Variants in DDC observed in about 807,000 individuals in gnomAD.
DDC encodes dopa decarboxylase, also known as aromatic-L-amino-acid decarboxylase.
A neutral mutation model predicts 60.0 loss-of-function variants in DDC; 43 were observed. The ratio of observed to expected loss-of-function variants is 0.72; its 90% CI spans 0.56 to 0.92. The LOEUF (loss-of-function observed/expected upper bound fraction) is 0.92. Ranked by LOEUF, DDC falls within the 40% of genes least tolerant of loss-of-function variation. The probability of loss-of-function intolerance (pLI) is 0.00; values close to 1 mark genes in which losing one functional copy is unlikely to be tolerated. For missense variants in DDC, 573 were observed against 620.2 expected, an observed-to-expected ratio of 0.92 and a Z score of 0.81; for synonymous variants, 232 against 234.6, an observed-to-expected ratio of 0.99 and a Z score of 0.10.
rs777469245 is a variant in DDC at position 50,543,900 on chromosome 7, C to G, written c.186G>C (p.Lys62Asn). 6.2e-7 allele frequency: 1 copy of G among 1,614,160 alleles called. No homozygotes were observed. The highest frequency in any genetic ancestry group is 8.5e-7 in the Non-Finnish European group (1 of 1,180,038). The change falls in exon 2 of 15, where the codon AAG (lysine) becomes AAC (asparagine). Residue 62 changes from lysine (K) to asparagine (N), a missense_variant. By Grantham distance (94) the Lys-to-Asn change is moderately conservative (BLOSUM62 0). Coordinates refer to ENST00000444124, the MANE Select transcript of DDC (RefSeq NM_001082971.2). ...TFEDIINDVE[K>N]IIMPGVTHWH... ...ACACACTTACCCCAGGCATGATTAT[C>G]TTCTCAACGTCGTTGATGATGTCCT... is the stretch of plus-strand genomic sequence containing the variant.
At chr7:50,494,052 TCTTA>T (rs1428895787) in intron 9 of DDC, among the ~76,000 whole-genome samples, 1 of 152,194 alleles carries the variant, frequency 6.6e-6, no homozygotes, top group Non-Finnish European at 1.5e-5. Flanking sequence ...TCAATCAACT[TCTTA>T]CTTTAAAACT....
chr7:50,463,133 G>C (rs2042319382), intron 14 of DDC, 80 bp downstream of exon 14: 3 of 1,165,444 alleles, frequency 2.6e-6, no homozygotes, highest in Admixed American at 2.0e-5. Context: ...GGCTGGGCCT[G>C]TAGCTGGGTC....
chr7:50,471,735 G>T (rs561730317), intron 11 of DDC, among the ~76,000 whole-genome samples: 1 of 152,324 alleles, frequency 6.6e-6, no homozygotes, highest in African/African-American at 2.4e-5. Flanking sequence ...ACACACAGTT[G>T]TCTGCTGGTC....
rs536231023 is a variant in DDC at position 50,528,021 on chromosome 7, C to T, written c.714+116G>A. 139 of 1,240,490 alleles carry T rather than the reference C, an allele frequency of 1.1e-4. No homozygotes were observed. In the African/African-American group the frequency reaches 2.0e-3, roughly 18 times the overall value. 76.8% of individuals were successfully genotyped at this position (1,240,490 alleles called of 1,614,324 possible). Reference sequence around the variant, plus strand: ...ACGCCATTCTCCTGCCTCAGCTTCCCGAGTAGCTGGGATTACAAGAATGCG... The same window carrying T: ...ACGCCATTCTCCTGCCTCAGCTTCCTGAGTAGCTGGGATTACAAGAATGCG... On this transcript the variant is annotated intron_variant, in intron 6 of 14. Transcript: ENST00000444124.
intron 1 of DDC, among the ~76,000 whole-genome samples, chr7:50,555,946 G>C (rs2045172471): frequency 1.3e-5 from 2 of 152,236 alleles, no homozygotes; most frequent in African/African-American, 4.8e-5. Flanking sequence ...ATCAGTTGAT[G>C]AAAAGAGCAT....
chr7:50,463,569 G>C lies in DDC; in HGVS notation c.1243-138C>G. 3 of 762,026 alleles carry C rather than the reference G, an allele frequency of 3.9e-6. No homozygotes were observed. In the South Asian group the frequency reaches 4.4e-5, roughly 11 times the overall value. The allele number at this position is 762,026 out of a possible 1,614,324, so 47.2% of individuals were successfully genotyped here. On this transcript the variant is annotated intron_variant, in intron 13 of 14. Coordinates refer to ENST00000444124, the MANE Select transcript of DDC (RefSeq NM_001082971.2). ...GACTAACCATCCCCCTTGCGTTTAC[G>C]ATGTTACAAAATTCAACAAAATAAT...
chr7:50,519,346 A>G (rs1048819546), intron 6 of DDC, among the ~76,000 whole-genome samples: 6 of 152,236 alleles, frequency 3.9e-5, no homozygotes, highest in African/African-American at 1.4e-4. Flanking sequence ...TTCCTAAAAG[A>G]ACTAAAAGTA....
chr7:50,544,882 T>G (rs1230007829), intron 1 of DDC, among the ~76,000 whole-genome samples: 1 of 152,234 alleles, frequency 6.6e-6, no homozygotes, highest in Non-Finnish European at 1.5e-5. Context: ...ACTTTTCATG[T>G]GTTTTTAAGA....
chr7:50,530,167 A>T (rs1456100624), intron 4 of DDC, among the ~76,000 whole-genome samples: 3 of 152,108 alleles, frequency 2.0e-5, no homozygotes, highest in Non-Finnish European at 1.5e-5. Context: ...AGGTGGGAGG[A>T]TGACTTGAGC....
intron 1 of DDC, among the ~76,000 whole-genome samples, chr7:50,551,128 A>C (rs1335195377): frequency 6.6e-6 from 1 of 152,094 alleles, no homozygotes; most frequent in Non-Finnish European, 1.5e-5. Flanking sequence ...TATATTGCCA[A>C]ATTTTCCCCT....
At chr7:50,479,640 C>G in intron 10 of DDC, 147 bp downstream of exon 10, 1 of 798,692 alleles carries the variant, frequency 1.3e-6, no homozygotes, top group Non-Finnish European at 2.2e-6. Flanking sequence ...GCTACAAGGG[C>G]AAATCCAGGA....
chr7:50,534,873 C>T (rs1013362067), intron 4 of DDC, among the ~76,000 whole-genome samples: 2 of 152,172 alleles, frequency 1.3e-5, no homozygotes. Context: ...CCATCTGGCC[C>T]TCACCAAGGC....
chr7:50,502,889 T>G (rs768335672), intron 7 of DDC, among the ~76,000 whole-genome samples: 1 of 152,224 alleles, frequency 6.6e-6, no homozygotes, highest in Admixed American at 6.5e-5. Flanking sequence ...TAAATGAAGC[T>G]CAGAATGTAA....
chr7:50,486,987 C>T (rs529001863), intron 9 of DDC, among the ~76,000 whole-genome samples: 3 of 151,862 alleles, frequency 2.0e-5, no homozygotes, highest in Non-Finnish European at 2.9e-5. Context: ...ATTACCATAC[C>T]CTCCCTCTTT....
chr7:50,501,850 T>C (rs1456488770), intron 7 of DDC, among the ~76,000 whole-genome samples: 1 of 152,114 alleles, frequency 6.6e-6, no homozygotes, highest in Non-Finnish European at 1.5e-5. Flanking sequence ...GAGGCGGGCA[T>C]ATCATCTGAG....
chr7:50,535,983 C>T (rs2044394588), intron 4 of DDC, among the ~76,000 whole-genome samples: 1 of 152,110 alleles, frequency 6.6e-6, no homozygotes, highest in South Asian at 2.1e-4. Context: ...AATCTTGGGA[C>T]CCCCAAATCA....
chr7:50,546,610 A>C (rs957241324), intron 1 of DDC, among the ~76,000 whole-genome samples: 3 of 152,162 alleles, frequency 2.0e-5, no homozygotes, highest in African/African-American at 7.2e-5. Context: ...ACAAAGGTAA[A>C]CCTGCTAGAA....
chr7:50,507,303 T>A (rs889357631), intron 6 of DDC, among the ~76,000 whole-genome samples: 1 of 152,118 alleles, frequency 6.6e-6, no homozygotes, highest in African/African-American at 2.4e-5. Flanking sequence ...AGTGGTGCGA[T>A]CTCAGCTCAC....
chr7:50,470,136 A>G lies in DDC; in HGVS notation c.1077T>C (p.Ser359=). The change falls in exon 12 of 15, where the codon TCT becomes TCC. Residue 359 remains serine, a synonymous_variant. Transcript: ENST00000444124. ...TCCTAAATACAAACCACATTTTCAA[A>G]GAGCGAAATCTTCTGCCCAGTGGTA... ...WQIPLGRRFR[S]LKMWFVFRMY... is the part of the protein sequence containing the mutation. The G allele has an allele frequency of 6.2e-7, 1 of 1,613,764 alleles. No homozygotes were observed. Among genetic ancestry groups the G allele is most frequent in the Non-Finnish European group, 8.5e-7 (1 of 1,179,660 alleles).
Sources: gnomAD v4.1 joint callset for allele counts (sites outside exome capture counted in the v4.1 genomes callset) on GRCh38, gnomAD v4.1.1 for gene constraint, MANE v1.5 for transcripts, NCBI Gene and HGNC (gene_info 2026-07-23, HGNC 2026-07-21) for gene names.